PDE1C: variants seen among roughly 807,000 people sequenced by gnomAD.
PDE1C encodes the protein phosphodiesterase 1C.
A neutral mutation model predicts 93.1 loss-of-function variants in PDE1C; 62 were observed. The observed-to-expected ratio is 0.67, with a 90% CI of 0.54 to 0.82. The LOEUF is 0.82. Among genes scored for constraint, PDE1C ranks in the 40% least tolerant of loss-of-function variants. PDE1C has a pLI of 0.00. For missense variants in PDE1C, 742 were observed against 884.6 expected (o/e 0.84, Z 2.04); for synonymous variants, 325 against 310.1 (o/e 1.05, Z -0.50).
chr7:31,874,230 A>G (rs896508528), intron 5 of PDE1C, among the ~76,000 whole-genome samples: 2 of 152,230 alleles, frequency 1.3e-5, no homozygotes, highest in African/African-American at 2.4e-5. Context: ...TTGCCTGTAA[A>G]TAGCTACTCC....
chr7:32,051,727 A>G (rs911047071), intron 1 of PDE1C, 147 bp from the exon 2 acceptor site: 1 of 685,212 alleles, frequency 1.5e-6, no homozygotes, highest in Non-Finnish European at 2.6e-6. Flanking sequence ...AAGCTTAGTT[A>G]AAAGTTTGGG....
chr7:32,309,088 A>T (rs1813099064), intron 1 of PDE1C, among the ~76,000 whole-genome samples: 2 of 152,204 alleles, frequency 1.3e-5, no homozygotes, highest in Non-Finnish European at 2.9e-5. Flanking sequence ...AGGCTCAAGA[A>T]CTATGTGAAG....
chr7:31,837,513 A>G (rs1289765435), intron 10 of PDE1C, among the ~76,000 whole-genome samples: 1 of 152,210 alleles, frequency 6.6e-6, no homozygotes, highest in Non-Finnish European at 1.5e-5. Context: ...CTGGACTCAA[A>G]TCCATTTCTG....
At chr7:32,341,276 C>T (rs943135367) in intron 1 of PDE1C, among the ~76,000 whole-genome samples, 1 of 134,596 alleles carries the variant, frequency 7.4e-6, no homozygotes, top group Non-Finnish European at 1.6e-5. Context: ...CCCGGGTTCA[C>T]GCCATTCTCC....
Position 32,283,094 on chromosome 7 carries a change from T to G in PDE1C, c.85+15557A>C, listed in dbSNP as rs145571567. On this transcript the variant is annotated intron_variant, in intron 1 of 18. Transcript: ENST00000396193. ...CTAAGGCAAAAAGGATTTATAAAGA[T>G]GTAGAGACAATGATAGTTACTGTAA... Among the ~76,000 whole-genome samples the G allele has an allele frequency of 1.7e-3, 263 of 152,304 alleles. 2 individuals are homozygous for G. The Middle Eastern group carries it at 0.034, about 20-fold the overall frequency.
At chr7:31,683,078 A>G in the PDE1C span, among the ~76,000 whole-genome samples, 1 of 152,210 alleles carries the variant, frequency 6.6e-6, no homozygotes, top group Non-Finnish European at 1.5e-5. Flanking sequence ...GGTGCTGGAT[A>G]CAAGAACTTA....
chr7:32,084,070 A>G (rs975738567), intron 3 of PDE1C, among the ~76,000 whole-genome samples: 2 of 152,140 alleles, frequency 1.3e-5, no homozygotes, highest in Non-Finnish European at 1.5e-5. Flanking sequence ...TTGGATAAAG[A>G]GTCATGACCC....
At chr7:32,319,749 A>G (rs1039539340) in intron 1 of PDE1C, among the ~76,000 whole-genome samples, 4 of 152,156 alleles carry the variant, frequency 2.6e-5, no homozygotes, top group Non-Finnish European at 5.9e-5. Flanking sequence ...TCTTCTTCCC[A>G]ACAGCGACCG....
At chr7:31,866,256 A>G (rs1795282934) in intron 6 of PDE1C, among the ~76,000 whole-genome samples, 1 of 152,162 alleles carries the variant, frequency 6.6e-6, no homozygotes, top group Non-Finnish European at 1.5e-5. Flanking sequence ...AGATTCCATA[A>G]TCTGTTCTCC....
intron 3 of PDE1C, among the ~76,000 whole-genome samples, chr7:32,099,936 C>T (rs1797961813): frequency 6.6e-6 from 1 of 152,170 alleles, no homozygotes; most frequent in South Asian, 2.1e-4. Flanking sequence ...TGCCCCCACC[C>T]CTCATTGTCA....
chr7:32,107,976 A>G (rs756014482), intron 3 of PDE1C, among the ~76,000 whole-genome samples: 3 of 151,760 alleles, frequency 2.0e-5, no homozygotes, highest in Non-Finnish European at 4.4e-5. Context: ...TAGGGCAATC[A>G]AAAAGAAATT....
chr7:32,315,518 C>T (rs1417016584), intron 1 of PDE1C, among the ~76,000 whole-genome samples: 2 of 152,172 alleles, frequency 1.3e-5, no homozygotes, highest in East Asian at 1.9e-4. Context: ...TTCTTATGAA[C>T]ATATCCTGAC....
At chr7:32,109,804 G>A (rs1233589445) in intron 3 of PDE1C, among the ~76,000 whole-genome samples, 1 of 152,016 alleles carries the variant, frequency 6.6e-6, no homozygotes, top group Non-Finnish European at 1.5e-5. Flanking sequence ...TTAGAGGGAA[G>A]AGGGCCTCTG....
intron 1 of PDE1C, among the ~76,000 whole-genome samples, chr7:32,394,897 C>T (rs139406583): frequency 5.2e-4 from 79 of 152,202 alleles, no homozygotes; most frequent in African/African-American, 1.8e-3. Flanking sequence ...CCTCTCTCAC[C>T]GTGTGACATG....
At chr7:32,301,585 CT>C (rs1204167285), upstream of PDE1C, among the ~76,000 whole-genome samples, 1 of 152,240 alleles carries the variant, frequency 6.6e-6, no homozygotes, top group Admixed American at 6.5e-5. Context: ...CTAAAACGCA[CT>C]GCTTCAAGTG....
chr7:32,242,496 G>A (rs1554293906), intron 1 of PDE1C, among the ~76,000 whole-genome samples: 1 of 152,238 alleles, frequency 6.6e-6, no homozygotes, highest in Non-Finnish European at 1.5e-5. Flanking sequence ...GTCGGTTAAT[G>A]AAAAGAGAAG....
chr7:32,422,881 T>C (rs912344303), intron 1 of PDE1C, among the ~76,000 whole-genome samples: 12 of 152,076 alleles, frequency 7.9e-5, no homozygotes, highest in Admixed American at 5.2e-4. Context: ...AGGAGAGAGA[T>C]TAGATAAAGA....
chr7:31,850,027 T>A (rs553228906), intron 8 of PDE1C, among the ~76,000 whole-genome samples: 1 of 152,088 alleles, frequency 6.6e-6, no homozygotes, highest in Non-Finnish European at 1.5e-5. Context: ...CTTGGACCCA[T>A]ATTTAATGTC....
chr7:31,970,442 G>A (rs942349257), intron 2 of PDE1C, among the ~76,000 whole-genome samples: 9 of 152,196 alleles, frequency 5.9e-5, no homozygotes, highest in African/African-American at 2.2e-4. Flanking sequence ...GCTTCTCAAA[G>A]TTTCAATAGC....
Sources: allele counts gnomAD v4.1 joint callset (sites outside exome capture counted in the v4.1 genomes callset), GRCh38; gene constraint gnomAD v4.1.1; transcripts MANE v1.5; gene names NCBI Gene and HGNC (gene_info 2026-07-23, HGNC 2026-07-21).